CTNNA3: variants seen among roughly 807,000 people sequenced by gnomAD.
The protein encoded by CTNNA3 is catenin alpha-3.
CTNNA3 carries 76 observed loss-of-function variants against 95.7 expected under a neutral mutation model. The ratio of observed to expected loss-of-function variants is 0.79; its 90% CI spans 0.66 to 0.96. CTNNA3 has a LOEUF of 0.96. CTNNA3 is among the 40% of genes least tolerant of loss of function. CTNNA3 has a pLI of 0.00. For missense variants in CTNNA3, 1,191 were observed against 1,089.8 expected, an observed-to-expected ratio of 1.09 and a Z score of -1.31; for synonymous variants, 431 against 374.4, an observed-to-expected ratio of 1.15 and a Z score of -1.74.
chr10:66,247,676 G>A (rs1334445850), intron 13 of CTNNA3, among the ~76,000 whole-genome samples: 7 of 152,120 alleles, frequency 4.6e-5, no homozygotes, highest in African/African-American at 1.7e-4. Context: ...TTATGGGCAG[G>A]GCAAAGTGGC....
At chr10:67,365,191 G>A (rs1199624664) in intron 5 of CTNNA3, among the ~76,000 whole-genome samples, 3 of 136,646 alleles carry the variant, frequency 2.2e-5, no homozygotes, top group South Asian at 4.8e-4. Flanking sequence ...GCTGAAACAG[G>A]ATCCCTTCCT....
chr10:67,760,312 C>T (rs1841455738), intron 1 of CTNNA3, among the ~76,000 whole-genome samples: 1 of 151,698 alleles, frequency 6.6e-6, no homozygotes, highest in Admixed American at 6.6e-5. Flanking sequence ...TGTCTACTGC[C>T]ATCTACACGT....
At chr10:67,745,930 CA>C (rs1333467883) in intron 1 of CTNNA3, among the ~76,000 whole-genome samples, 1 of 151,784 alleles carries the variant, frequency 6.6e-6, no homozygotes, top group East Asian at 1.9e-4. Context: ...GAAGAGGACA[CA>C]AAAAAATAGA....
chr10:66,573,255 CAACT>C (rs1290925388), intron 10 of CTNNA3, among the ~76,000 whole-genome samples: 3 of 152,100 alleles, frequency 2.0e-5, no homozygotes, highest in African/African-American at 7.2e-5. Flanking sequence ...CCGAATATAT[CAACT>C]AAAAATGCAA....
chr10:66,015,115 A>C (rs555180839), intron 15 of CTNNA3, among the ~76,000 whole-genome samples: 24 of 151,546 alleles, frequency 1.6e-4, no homozygotes, highest in Admixed American at 1.4e-3. Flanking sequence ...AAATAATAAT[A>C]ATAATAATAA....
chr10:66,450,837 C>G (rs996903426), intron 11 of CTNNA3, among the ~76,000 whole-genome samples: 2 of 152,050 alleles, frequency 1.3e-5, no homozygotes, highest in Non-Finnish European at 2.9e-5. Context: ...TCTGATTAAC[C>G]CAATTACTTT....
chr10:66,532,322 C>A (rs1177687063), intron 10 of CTNNA3, among the ~76,000 whole-genome samples: 3 of 151,944 alleles, frequency 2.0e-5, no homozygotes, highest in Admixed American at 2.0e-4. Flanking sequence ...ATTAGCCGGG[C>A]GTGGTGGTAG....
intron 7 of CTNNA3, among the ~76,000 whole-genome samples, chr10:67,144,841 T>C (rs1485830061): frequency 6.6e-6 from 1 of 152,204 alleles, no homozygotes; most frequent in Non-Finnish European, 1.5e-5. Flanking sequence ...GAACTTTTCC[T>C]TTGCATTCAC....
At chr10:66,242,345 C>A (rs10996998) in intron 13 of CTNNA3, among the ~76,000 whole-genome samples, 1 of 152,072 alleles carries the variant, frequency 6.6e-6, no homozygotes, top group Non-Finnish European at 1.5e-5. Context: ...TCACCAAAAT[C>A]AGCTTTTCAC....
chr10:67,139,690 G>A (rs1564918249), intron 7 of CTNNA3, among the ~76,000 whole-genome samples: 1 of 152,118 alleles, frequency 6.6e-6, no homozygotes, highest in African/African-American at 2.4e-5. Flanking sequence ...TGGAATTACA[G>A]GTGTGAGCCA....
intron 1 of CTNNA3, chr10:67,751,188 C>A: frequency 1.6e-6 from 2 of 1,273,260 alleles, no homozygotes; most frequent in Non-Finnish European, 2.3e-6. Context: ...TAACATGTTG[C>A]AATCCTCTCA....
intron 2 of CTNNA3, among the ~76,000 whole-genome samples, chr10:67,637,213 G>A (rs999750551): frequency 5.9e-5 from 9 of 152,210 alleles, no homozygotes; most frequent in South Asian, 4.1e-4. Flanking sequence ...ACTACGTGAC[G>A]AATGCACAAG....
chr10:67,539,923 G>T (rs532848436), intron 3 of CTNNA3, among the ~76,000 whole-genome samples: 6 of 152,088 alleles, frequency 3.9e-5, no homozygotes, highest in Non-Finnish European at 7.4e-5. Context: ...GGAACATCTA[G>T]TAAAATTGCT....
chr10:67,119,452 G>A (rs1036585455), intron 7 of CTNNA3, among the ~76,000 whole-genome samples: 2 of 151,784 alleles, frequency 1.3e-5, no homozygotes, highest in East Asian at 1.9e-4. Flanking sequence ...GACTTGCAGC[G>A]AAAAGCAAAT....
intron 7 of CTNNA3, among the ~76,000 whole-genome samples, chr10:67,077,263 T>C (rs1347366665): frequency 2.0e-5 from 3 of 152,228 alleles, no homozygotes; most frequent in Non-Finnish European, 4.4e-5. Context: ...AATGAACTTT[T>C]GTCAATGCAA....
chr10:67,190,154 C>A (rs907046026), intron 6 of CTNNA3, among the ~76,000 whole-genome samples: 1 of 151,818 alleles, frequency 6.6e-6, no homozygotes, highest in Non-Finnish European at 1.5e-5. Context: ...CCTCTAGAAA[C>A]AGAAATAATT....
intron 15 of CTNNA3, among the ~76,000 whole-genome samples, chr10:66,031,787 T>C (rs905418959): frequency 3.3e-5 from 5 of 152,112 alleles, no homozygotes; most frequent in African/African-American, 1.2e-4. Flanking sequence ...CTTGTAAGAT[T>C]TGGAAGGTAG....
intron 13 of CTNNA3, among the ~76,000 whole-genome samples, chr10:66,270,734 A>T (rs4642966): frequency 0.084 from 12,709 of 152,100 alleles, 1,580 homozygotes; most frequent in African/African-American, 0.27. Flanking sequence ...GGATAAGGCA[A>T]GGATGAAGCT....
chr10:66,462,515 T>C (rs945893420), intron 11 of CTNNA3, among the ~76,000 whole-genome samples: 8 of 152,124 alleles, frequency 5.3e-5, no homozygotes, highest in African/African-American at 1.4e-4. Flanking sequence ...TCCTATTCCA[T>C]TTATTAATAT....
Sources: allele counts gnomAD v4.1 joint callset (sites outside exome capture counted in the v4.1 genomes callset), GRCh38; gene constraint gnomAD v4.1.1; transcripts MANE v1.5; gene names NCBI Gene and HGNC (gene_info 2026-07-23, HGNC 2026-07-21).